Variants in CDC42SE1 observed in about 807,000 individuals in gnomAD.
CDC42SE1 encodes the protein CDC42 small effector protein 1.
In CDC42SE1, 10 loss-of-function variants were observed where a neutral mutation model predicts 10.9. The ratio of observed to expected loss-of-function variants is 0.92; its 90% CI spans 0.57 to 1.56. The LOEUF (loss-of-function observed/expected upper bound fraction) is 1.56, where lower values mean the gene tolerates loss of function less well. Ranked by LOEUF, CDC42SE1 falls within the 40% of genes most tolerant of loss-of-function variation. CDC42SE1 has a pLI of 0.00. For missense variants in CDC42SE1, 81 were observed against 100.8 expected, an observed-to-expected ratio of 0.80 and a Z score of 0.84; for synonymous variants, 24 against 32.0, an observed-to-expected ratio of 0.75 and a Z score of 0.85.
intron 2 of CDC42SE1, 149 bp from the exon 3 acceptor site, chr1:151,055,275 G>A (rs902695079): frequency 1.6e-6 from 1 of 632,918 alleles, no homozygotes; most frequent in African/African-American, 1.8e-5. Context: ...ACTAGGGCAT[G>A]AAAGGCAAAG....
intron 1 of CDC42SE1, chr1:151,058,382 G>A (rs1676327466): frequency 6.6e-6 from 1 of 152,614 alleles, no homozygotes; most frequent in African/African-American, 2.4e-5. Flanking sequence ...AGTGGGGGAT[G>A]GGAACAAAGC....
At chr1:151,055,424 T>A (rs1428133337) in intron 2 of CDC42SE1, 1 of 600,104 alleles carries the variant, frequency 1.7e-6, no homozygotes, top group African/African-American at 1.9e-5. Context: ...CTGACAGGTA[T>A]GCAGCTCCAC....
intron 2 of CDC42SE1, 26 bp downstream of exon 2, chr1:151,055,651 T>A (rs766120382): frequency 6.3e-7 from 1 of 1,599,712 alleles, no homozygotes; most frequent in Non-Finnish European, 8.6e-7. Flanking sequence ...GCTCTTTGGG[T>A]TAGGATGGGG....
rs774837776 is a variant in CDC42SE1, at chr1:151,055,938, C to CAG, written c.-210_-209dup. The CAG allele has an allele frequency of 1.7e-6, 1 of 589,328 alleles. No homozygotes were observed. The highest frequency in any genetic ancestry group is 2.8e-5 in the East Asian group (1 of 35,466). 36.5% of individuals were successfully genotyped at this position (589,328 alleles called of 1,614,324 possible). A position where few individuals can be genotyped will look rare whatever the true frequency, so the allele number is the denominator to read the frequency against. The stretch of plus-strand genomic sequence containing the variant: ...TCAGAGCCTGAGAGATGAACAGGAC[C>CAG]AGAGAGAGAGGTGGGCAGGCAGGCA... On this transcript the variant is annotated 5_prime_UTR_variant, in exon 2 of 5. Transcript: ENST00000357235.
intron 4 of CDC42SE1, 23 bp downstream of exon 4, chr1:151,054,208 G>C (rs1676238308): frequency 2.8e-6 from 4 of 1,444,704 alleles, no homozygotes; most frequent in African/African-American, 2.8e-5. Context: ...TGAGGTGTTA[G>C]ATGGGTTTCT....
rs1676178817 is a variant in CDC42SE1, at chr1:151,051,404, A to AAAG, written c.*1939_*1940insCTT. 1 of 147,654 alleles carries AAAG rather than the reference A, an allele frequency of 6.8e-6. No homozygotes were observed. The highest frequency in any genetic ancestry group is 1.5e-5 in the Non-Finnish European group (1 of 66,726). 9.1% of individuals were successfully genotyped at this position (147,654 alleles called of 1,614,324 possible). A position where few individuals can be genotyped will look rare whatever the true frequency, so the allele number is the denominator to read the frequency against. On this transcript the variant is annotated 3_prime_UTR_variant, in exon 5 of 5. Transcript: ENST00000357235. ...ATACATGGAAATTTGAAAAAAAAAA[A>AAAG]AAAAAAAAAAAAAAAAGAACCTCAG...
Position 151,054,322 on chromosome 1 carries a change from CTG to C in CDC42SE1, c.166-3_166-2del. ...TCATCTGCTCCTGAACTGCACCTGTCTGTAAAAAAACAGATGCGAGACACCTT... is the reference window on the plus strand; with the variant it reads ...TCATCTGCTCCTGAACTGCACCTGTCTAAAAAAACAGATGCGAGACACCTT... On this transcript the variant is annotated splice_acceptor_variant and splice_polypyrimidine_tract_variant and intron_variant, in intron 3 of 4. Transcript: ENST00000357235. LOFTEE classifies it high-confidence loss of function. The C allele has an allele frequency of 6.2e-7, 1 of 1,613,084 alleles. No homozygotes were observed. Among genetic ancestry groups the C allele is most frequent in the Non-Finnish European group, 8.5e-7 (1 of 1,179,270 alleles).
At position 151,057,169 on chromosome 1, in the gene CDC42SE1, G is replaced by T. The variant is rs184592550; in HGVS notation, c.-263-1176C>A. Among the ~76,000 whole-genome samples, 578 of 152,264 alleles carry T rather than the reference G, an allele frequency of 3.8e-3. 2 individuals are homozygous for T. Among genetic ancestry groups the T allele is most frequent in the Non-Finnish European group, 5.8e-3 (395 of 68,012 alleles). On this transcript the variant is annotated intron_variant, in intron 1 of 4. Transcript: ENST00000357235. The surrounding 1 kb of genome is among the most constrained non-coding windows in gnomAD (Gnocchi z 4.0). ...AAATATGACACTTTAACATGAACAG[G>T]AATCTCCCTTTCTTGCAGGCCGGGA...
In CDC42SE1 at chr1:151,054,946, T is replaced by C. The variant is rs1232346515; in HGVS notation, c.165+70A>G. ...TGAGTATTTTCATATGTCCCTAGCT[T>C]GAACTTTCAAAAAGAGGGAACGGTT... On this transcript the variant is annotated intron_variant, in intron 3 of 4. Transcript: ENST00000357235. 3 of 1,139,748 alleles carry C rather than the reference T, an allele frequency of 2.6e-6. No individual in the cohort carries two copies. In the African/African-American group the frequency reaches 4.6e-5, roughly 17 times the overall value. The allele number at this position is 1,139,748 out of a possible 1,614,324, so 70.6% of individuals were successfully genotyped here.
At position 151,055,932 on chromosome 1, in the gene CDC42SE1, C is replaced by T; in HGVS notation, c.-202G>A. ...AGTGTCTCAGAGCCTGAGAGATGAACAGGACCAGAGAGAGAGGTGGGCAGG... is the reference window on the plus strand; with the variant it reads ...AGTGTCTCAGAGCCTGAGAGATGAATAGGACCAGAGAGAGAGGTGGGCAGG... On this transcript the variant is annotated 5_prime_UTR_variant, in exon 2 of 5. Coordinates refer to ENST00000357235, the MANE Select transcript of CDC42SE1 (RefSeq NM_020239.4). The T allele has an allele frequency of 1.6e-6, 1 of 608,414 alleles. No individual in the cohort carries two copies. Among genetic ancestry groups the T allele is most frequent in the East Asian group, 2.8e-5 (1 of 35,952 alleles). The allele number at this position is 608,414 out of a possible 1,614,324, so 37.7% of individuals were successfully genotyped here.
Position 151,055,672 on chromosome 1 carries a change from C to T in CDC42SE1, c.54+5G>A. ...TGGGTTAGGATGGGGGGTGGGGAGACTCACCGGCTGGGGTTTCTCTACCAC... is the reference window on the plus strand; with the variant it reads ...TGGGTTAGGATGGGGGGTGGGGAGATTCACCGGCTGGGGTTTCTCTACCAC... On this transcript the variant is annotated splice_donor_5th_base_variant and intron_variant, in intron 2 of 4. Transcript: ENST00000357235. 6.2e-7 allele frequency: 1 copy of T among 1,611,710 alleles called. No individual in the cohort carries two copies. The highest frequency in any genetic ancestry group is 1.3e-5 in the African/African-American group (1 of 74,998).
chr1:151,051,393 G>GGAA lies in CDC42SE1; in HGVS notation c.*1950_*1951insTTC, dbSNP rs1676176562. 6 of 34,098 alleles carry GGAA rather than the reference G, an allele frequency of 1.8e-4. No homozygotes were observed. Among genetic ancestry groups the GGAA allele is most frequent in the Admixed American group, 5.6e-4 (1 of 1,794 alleles). The allele number at this position is 34,098 out of a possible 1,614,324, so 2.1% of individuals were successfully genotyped here. A position where few individuals can be genotyped will look rare whatever the true frequency, so the allele number is the denominator to read the frequency against. The stretch of plus-strand genomic sequence containing the variant: ...AATGGCAGAAAATACATGGAAATTT[G>GGAA]AAAAAAAAAAAAAAAAAAAAAAAAA... On this transcript the variant is annotated 3_prime_UTR_variant, in exon 5 of 5. Coordinates refer to ENST00000357235, the MANE Select transcript of CDC42SE1 (RefSeq NM_020239.4).
Position 151,055,689 on chromosome 1 carries a change from C to G in CDC42SE1, c.42G>C (p.Glu14Asp), listed in dbSNP as rs1315341955. 3.1e-6 allele frequency: 5 copies of G among 1,613,182 alleles called. No individual in the cohort carries two copies. Among genetic ancestry groups the G allele is most frequent in the African/African-American group, 2.7e-5 (2 of 74,904 alleles). The change falls in exon 2 of 5, where the codon GAG becomes GAC. Residue 14 changes from glutamate to aspartate, a missense_variant. Physicochemically the swap from Glu to Asp is conservative, Grantham distance 45. Coordinates refer to ENST00000357235, the MANE Select transcript of CDC42SE1 (RefSeq NM_020239.4). ...FWHKLGCCVV[E>D]KPQPKKKRRR... is the part of the protein sequence containing the mutation. The stretch of plus-strand genomic sequence containing the variant: ...TGGGGAGACTCACCGGCTGGGGTTT[C>G]TCTACCACACAGCAGCCCAGTTTGT...
intron 1 of CDC42SE1, chr1:151,058,329 G>A (rs760341583): frequency 6.6e-6 from 1 of 152,658 alleles, no homozygotes; most frequent in Middle Eastern, 3.4e-3. Flanking sequence ...GGGTCAGAGT[G>A]TGAAGAAGAC....
chr1:151,054,211 G>T lies in CDC42SE1; in HGVS notation c.*16+20C>A. 1 of 1,461,524 alleles carries T rather than the reference G, an allele frequency of 6.8e-7. No individual in the cohort carries two copies. Among genetic ancestry groups the T allele is most frequent in the Non-Finnish European group, 9.6e-7 (1 of 1,041,560 alleles). The allele number at this position is 1,461,524 out of a possible 1,614,324, so 90.5% of individuals were successfully genotyped here. On this transcript the variant is annotated intron_variant, in intron 4 of 4. Coordinates refer to ENST00000357235, the MANE Select transcript of CDC42SE1 (RefSeq NM_020239.4). ...TGTTATGGGGGCTGAGGTGTTAGAT[G>T]GGTTTCTCTAATCACTCACCATTCC...
chr1:151,056,414 T>C (rs1164586266), intron 1 of CDC42SE1, among the ~76,000 whole-genome samples: 1 of 152,176 alleles, frequency 6.6e-6, no homozygotes, highest in Non-Finnish European at 1.5e-5. Flanking sequence ...AAACAAGGTC[T>C]CCACCCTGTC....
At position 151,057,962 on chromosome 1, in the gene CDC42SE1, T is replaced by C. The variant is rs939287809; in HGVS notation, c.-264+1517A>G. 6.6e-6 allele frequency: 1 copy of C among 152,082 alleles called. No homozygotes were observed. The highest frequency in any genetic ancestry group is 6.6e-5 in the Admixed American group (1 of 15,248). 9.4% of individuals were successfully genotyped at this position (152,082 alleles called of 1,614,324 possible). A position where few individuals can be genotyped will look rare whatever the true frequency, so the allele number is the denominator to read the frequency against. On this transcript the variant is annotated intron_variant, in intron 1 of 4. Coordinates refer to ENST00000357235, the MANE Select transcript of CDC42SE1 (RefSeq NM_020239.4). This position sits in a 1 kb window ranked among gnomAD's most constrained non-coding sequence, Gnocchi z 4.0. Reference sequence around the variant, plus strand: ...TCAGTCATAGGGTTTGTCCTGATGGTGGTGGTGGCAGGTGGTAAGGGTTGG... The same window carrying C: ...TCAGTCATAGGGTTTGTCCTGATGGCGGTGGTGGCAGGTGGTAAGGGTTGG...
Position 151,052,497 on chromosome 1 carries a change from G to A in CDC42SE1, c.*847C>T, listed in dbSNP as rs1047311071. The A allele has an allele frequency of 3.9e-5, 6 of 152,400 alleles. No homozygotes were observed. Among genetic ancestry groups the A allele is most frequent in the African/African-American group, 1.5e-4 (6 of 41,344 alleles). The allele number at this position is 152,400 out of a possible 1,614,324, so 9.4% of individuals were successfully genotyped here. ...AGACCCCTCTTCCTCCTCTCACCTG[G>A]GCCAGCAGGGAGGTTGGCAGAGGGC... On this transcript the variant is annotated 3_prime_UTR_variant, in exon 5 of 5. Coordinates refer to ENST00000357235, the MANE Select transcript of CDC42SE1 (RefSeq NM_020239.4).
chr1:151,052,597 G>A lies in CDC42SE1; in HGVS notation c.*747C>T, dbSNP rs1310632933. The A allele has an allele frequency of 3.3e-5, 5 of 152,666 alleles. No individual in the cohort carries two copies. The East Asian group carries it at 9.6e-4, about 29-fold the overall frequency. The allele number at this position is 152,666 out of a possible 1,614,324, so 9.5% of individuals were successfully genotyped here. A position where few individuals can be genotyped will look rare whatever the true frequency, so the allele number is the denominator to read the frequency against. ...CCTCTTACCTTAACTCTTATTCGGT[G>A]GGAAACAAGGTTCCTAATAGGGATA... is the stretch of plus-strand genomic sequence containing the variant. On this transcript the variant is annotated 3_prime_UTR_variant, in exon 5 of 5. Transcript: ENST00000357235.
Sources: gnomAD v4.1 joint callset for allele counts (sites outside exome capture counted in the v4.1 genomes callset) on GRCh38, gnomAD v4.1.1 for gene constraint, Gnocchi (gnomAD v3.1) non-coding constraint, MANE v1.5 for transcripts, NCBI Gene and HGNC (gene_info 2026-07-23, HGNC 2026-07-21) for gene names.